LRRC4C: variants seen among roughly 807,000 people sequenced by gnomAD.
The protein encoded by LRRC4C is leucine rich repeat containing 4C.
In LRRC4C, 5 loss-of-function variants were observed where a neutral mutation model predicts 33.6. That is an observed-to-expected ratio of 0.15 (90% CI 0.08 to 0.31). The LOEUF (loss-of-function observed/expected upper bound fraction) is 0.31, where lower values mean the gene tolerates loss of function less well. Ranked by LOEUF, LRRC4C falls within the 10% of genes least tolerant of loss-of-function variation. LRRC4C has a pLI of 1.00. For missense variants in LRRC4C, 560 were observed against 796.7 expected (o/e 0.70, Z 3.58); for synonymous variants, 329 against 302.0 (o/e 1.09, Z -0.93).
chr11:41,041,188 A>G (rs554480772), intron 1 of LRRC4C, among the ~76,000 whole-genome samples: 1 of 152,266 alleles, frequency 6.6e-6, no homozygotes, highest in Non-Finnish European at 1.5e-5. Context: ...TTCTTCCACA[A>G]CTGCAAACTA....
chr11:41,315,104 T>C (rs896614114), intron 1 of LRRC4C, among the ~76,000 whole-genome samples: 6 of 152,184 alleles, frequency 3.9e-5, no homozygotes, highest in African/African-American at 1.4e-4. Context: ...AGAATAATCT[T>C]TGGAGCCAAA....
chr11:40,935,392 T>C (rs1312116229), intron 1 of LRRC4C, among the ~76,000 whole-genome samples: 1 of 152,186 alleles, frequency 6.6e-6, no homozygotes, highest in African/African-American at 2.4e-5. Context: ...CATGTCTGCT[T>C]AATATAGTCA....
chr11:40,552,951 T>C (rs1465854397), intron 3 of LRRC4C, among the ~76,000 whole-genome samples: 1 of 151,996 alleles, frequency 6.6e-6, no homozygotes, highest in Non-Finnish European at 1.5e-5. Flanking sequence ...AAACTGAAAA[T>C]TTGTTATGCA....
At chr11:40,998,027 A>G (rs1004524321) in intron 1 of LRRC4C, among the ~76,000 whole-genome samples, 13 of 152,062 alleles carry the variant, frequency 8.5e-5, no homozygotes, top group Admixed American at 7.9e-4. Flanking sequence ...GGCATATAGA[A>G]TGTTGACTGA....
At chr11:41,080,551 C>T (rs1370702437) in intron 1 of LRRC4C, among the ~76,000 whole-genome samples, 1 of 152,020 alleles carries the variant, frequency 6.6e-6, no homozygotes, top group Non-Finnish European at 1.5e-5. Context: ...CGGAGTTTCT[C>T]CATGGTGGTC....
At chr11:40,984,890 A>C (rs1852877496) in intron 1 of LRRC4C, among the ~76,000 whole-genome samples, 1 of 34,842 alleles carries the variant, frequency 2.9e-5, no homozygotes, top group Non-Finnish European at 9.0e-5. Context: ...GTTCTCACTG[A>C]CACTTTTTTT....
intron 3 of LRRC4C, among the ~76,000 whole-genome samples, chr11:40,352,591 G>C (rs1479434236): frequency 6.6e-6 from 1 of 152,048 alleles, no homozygotes; most frequent in Non-Finnish European, 1.5e-5. Context: ...GGTTCATCTT[G>C]AGTTGACAAG....
chr11:41,230,329 G>A (rs561319765), intron 1 of LRRC4C, among the ~76,000 whole-genome samples: 1 of 152,140 alleles, frequency 6.6e-6, no homozygotes, highest in East Asian at 1.9e-4. Context: ...GAAATACCTT[G>A]GAATGAGGCA....
intron 1 of LRRC4C, among the ~76,000 whole-genome samples, chr11:41,203,141 T>C (rs555013676): frequency 6.6e-6 from 1 of 152,318 alleles, no homozygotes; most frequent in African/African-American, 2.4e-5. Context: ...GAAGGTCTTA[T>C]TCCTTCAGTC....
chr11:41,358,466 C>G (rs1298801863), intron 1 of LRRC4C, among the ~76,000 whole-genome samples: 1 of 152,006 alleles, frequency 6.6e-6, no homozygotes, highest in Non-Finnish European at 1.5e-5. Context: ...AGAAGATAAG[C>G]CAGAAACTGG....
chr11:41,183,011 G>T (rs1344126611), intron 1 of LRRC4C, among the ~76,000 whole-genome samples: 2 of 152,060 alleles, frequency 1.3e-5, no homozygotes, highest in Non-Finnish European at 2.9e-5. Flanking sequence ...AAAACCATCA[G>T]ATGTCATGAG....
rs192881653 is a variant in LRRC4C at position 40,972,338 on chromosome 11, T to C, written c.-495-38615A>G. ...TTTTAGTAGAGATAGCGTTTCACCATGTTGGCCAGGCTGGTCTTGAACTCC... is the reference window on the plus strand; with the variant it reads ...TTTTAGTAGAGATAGCGTTTCACCACGTTGGCCAGGCTGGTCTTGAACTCC... On this transcript the variant is annotated intron_variant, in intron 1 of 6. Transcript: ENST00000528697. Among the ~76,000 whole-genome samples the C allele has an allele frequency of 4.3e-3, 651 of 152,152 alleles. 4 individuals are homozygous for C. Among genetic ancestry groups the C allele is most frequent in the Non-Finnish European group, 6.2e-3 (421 of 68,000 alleles).
intron 1 of LRRC4C, among the ~76,000 whole-genome samples, chr11:41,138,715 A>C (rs1943373168): frequency 6.6e-6 from 1 of 152,196 alleles, no homozygotes; most frequent in African/African-American, 2.4e-5. Context: ...TTCCTCCCTA[A>C]ATAGATATTC....
At chr11:40,639,499 T>C (rs1167417104) in intron 3 of LRRC4C, among the ~76,000 whole-genome samples, 2 of 152,246 alleles carry the variant, frequency 1.3e-5, no homozygotes, top group East Asian at 3.8e-4. Context: ...CCATTGGTTC[T>C]ACCTTGTTAT....
chr11:40,442,783 C>T (rs1426090529), intron 3 of LRRC4C, among the ~76,000 whole-genome samples: 2 of 152,178 alleles, frequency 1.3e-5, no homozygotes, highest in Non-Finnish European at 2.9e-5. Context: ...ACTCACTGTA[C>T]AGCCATTCTA....
intron 4 of LRRC4C, among the ~76,000 whole-genome samples, chr11:40,253,509 C>T (rs751679933): frequency 1.3e-5 from 2 of 152,040 alleles, no homozygotes; most frequent in Admixed American, 1.3e-4. Flanking sequence ...GTAAAATGAG[C>T]ATAACAGTAA....
intron 3 of LRRC4C, among the ~76,000 whole-genome samples, chr11:40,379,994 G>A (rs1038382514): frequency 1.3e-5 from 2 of 152,126 alleles, no homozygotes; most frequent in African/African-American, 4.8e-5. Context: ...ACTATGCAAT[G>A]CAGATTAATA....
intron 1 of LRRC4C, among the ~76,000 whole-genome samples, chr11:41,407,502 A>G (rs913811069): frequency 1.3e-5 from 2 of 152,150 alleles, no homozygotes; most frequent in African/African-American, 4.8e-5. Context: ...GGGTCTCACA[A>G]TGTTGCCTAG....
chr11:40,471,297 C>A (rs979891464), intron 3 of LRRC4C, among the ~76,000 whole-genome samples: 1 of 152,028 alleles, frequency 6.6e-6, no homozygotes, highest in Non-Finnish European at 1.5e-5. Flanking sequence ...ACTTCATAAG[C>A]GAAGGAGAAA....
Sources: allele counts gnomAD v4.1 joint callset (sites outside exome capture counted in the v4.1 genomes callset), GRCh38; gene constraint gnomAD v4.1.1; transcripts MANE v1.5; gene names NCBI Gene and HGNC (gene_info 2026-07-23, HGNC 2026-07-21).